RFC3: variants seen among roughly 807,000 people sequenced by gnomAD.
RFC3 encodes replication factor C subunit 3, also known as A1 38 kDa subunit.
RFC3 carries 41 observed loss-of-function variants against 45.1 expected under a neutral mutation model. The ratio of observed to expected loss-of-function variants is 0.91; its 90% CI spans 0.71 to 1.18. The LOEUF (loss-of-function observed/expected upper bound fraction) is 1.18. RFC3 is among the 50% of genes most tolerant of loss of function. The pLI is 0.00. For synonymous variants in RFC3, 149 were observed against 144.0 expected (o/e 1.03, Z -0.25); for missense variants, 423 against 428.1 (o/e 0.99, Z 0.10).
At chr13:33,840,121 T>G (rs2082186965), downstream of RFC3, among the ~76,000 whole-genome samples, 1 of 152,234 alleles carries the variant, frequency 6.6e-6, no homozygotes, top group African/African-American at 2.4e-5. Flanking sequence ...TTTACACTAC[T>G]TTGGGTTTGT....
rs3135607 is a variant in RFC3 at position 33,831,723 on chromosome 13, G to GCATC, written c.809+370_809+373dup. 3.6e-3 allele frequency among the ~76,000 whole-genome samples: 552 copies of GCATC among 152,292 alleles called. 4 individuals are homozygous for GCATC. Among genetic ancestry groups the GCATC allele is most frequent in the African/African-American group, 0.012 (518 of 41,570 alleles). On this transcript the variant is annotated intron_variant, in intron 7 of 8. Coordinates refer to ENST00000380071, the MANE Select transcript of RFC3 (RefSeq NM_002915.4). Reference sequence around the variant, plus strand: ...AATGTAAAACTTTGTAATCAATGATGCATCATGTGCTAGAAAGACACCAGA... The same window carrying GCATC: ...AATGTAAAACTTTGTAATCAATGATGCATCCATCATGTGCTAGAAAGACACCAGA...
intron 8 of RFC3, among the ~76,000 whole-genome samples, chr13:33,896,853 G>GA (rs1268452692): frequency 6.7e-6 from 1 of 148,702 alleles, no homozygotes; most frequent in South Asian, 2.2e-4. Flanking sequence ...AGTGCTGAAT[G>GA]AAAAAAACCT....
At chr13:33,945,496 C>T (rs1264369528) in intron 8 of RFC3, among the ~76,000 whole-genome samples, 3 of 152,190 alleles carry the variant, frequency 2.0e-5, no homozygotes, top group African/African-American at 4.8e-5. Flanking sequence ...CCCACAGCTC[C>T]AGGAAACTTC....
exon 9 of RFC3, chr13:33,966,464 A>G (rs1004186869): frequency 3.2e-6 from 1 of 317,426 alleles, no homozygotes; most frequent in East Asian, 5.3e-5. Context: ...CCCTACATCT[A>G]ACTCATCTGC....
chr13:33,889,683 A>G (rs2082551518), intron 8 of RFC3, among the ~76,000 whole-genome samples: 1 of 152,130 alleles, frequency 6.6e-6, no homozygotes, highest in African/African-American at 2.4e-5. Flanking sequence ...TAACTTTGCA[A>G]CCATTGACCA....
chr13:33,971,057 AT>A (rs1566046950), downstream of RFC3, among the ~76,000 whole-genome samples: 1 of 152,174 alleles, frequency 6.6e-6, no homozygotes, highest in Non-Finnish European at 1.5e-5. Context: ...ATTAAAAAAA[AT>A]ATAGAATAGA....
At chr13:33,887,404 CA>C (rs1385648201) in intron 8 of RFC3, among the ~76,000 whole-genome samples, 1 of 151,948 alleles carries the variant, frequency 6.6e-6, no homozygotes, top group Non-Finnish European at 1.5e-5. Context: ...AGCATTTTTT[CA>C]TGTGTTTTTT....
chr13:33,967,597 C>T (rs1215757712), downstream of RFC3, among the ~76,000 whole-genome samples: 8 of 147,970 alleles, frequency 5.4e-5, no homozygotes, highest in Admixed American at 5.6e-4. Flanking sequence ...AAGCGATTCT[C>T]CTGCCTCAGC....
chr13:33,948,237 C>T (rs1292615800), intron 8 of RFC3, among the ~76,000 whole-genome samples: 1 of 152,144 alleles, frequency 6.6e-6, no homozygotes, highest in African/African-American at 2.4e-5. Flanking sequence ...GCTAAAGGGG[C>T]CAAGGTACAG....
At chr13:33,929,609 A>G (rs2082839072) in intron 8 of RFC3, among the ~76,000 whole-genome samples, 1 of 152,078 alleles carries the variant, frequency 6.6e-6, no homozygotes. Context: ...ATTACAAAAT[A>G]TTTTGAAATA....
chr13:33,821,867 C>T (rs1365586952), intron 2 of RFC3, among the ~76,000 whole-genome samples: 1 of 152,198 alleles, frequency 6.6e-6, no homozygotes, highest in Non-Finnish European at 1.5e-5. Flanking sequence ...TCTTCTACAA[C>T]TTGTAGTTTG....
At chr13:33,892,444 G>GTT (rs1466297679) in intron 8 of RFC3, among the ~76,000 whole-genome samples, 2 of 152,152 alleles carry the variant, frequency 1.3e-5, no homozygotes, top group Non-Finnish European at 2.9e-5. Context: ...AAATAAAACT[G>GTT]TAAGCATTCC....
At chr13:33,899,398 T>TGATA (rs1191350265) in intron 8 of RFC3, among the ~76,000 whole-genome samples, 1 of 151,754 alleles carries the variant, frequency 6.6e-6, no homozygotes, top group Non-Finnish European at 1.5e-5. Flanking sequence ...TCAGTAAATG[T>TGATA]GATACATCAT....
At chr13:33,872,792 A>AACCC (rs1555235482) in intron 8 of RFC3, among the ~76,000 whole-genome samples, 3 of 97,448 alleles carry the variant, frequency 3.1e-5, no homozygotes, top group African/African-American at 4.1e-5. Context: ...AAGAAACCAA[A>AACCC]CCCCCCCCCC....
intron 8 of RFC3, among the ~76,000 whole-genome samples, chr13:33,935,060 C>G (rs892848533): frequency 2.6e-5 from 4 of 152,094 alleles, no homozygotes; most frequent in Admixed American, 1.3e-4. Context: ...TACCAGATAA[C>G]TGGATCATGT....
At position 33,827,118 on chromosome 13, in the gene RFC3, T is replaced by A. The variant is rs7982558; in HGVS notation, c.391+1232T>A. 7.0e-3 allele frequency among the ~76,000 whole-genome samples: 1,059 copies of A among 152,284 alleles called. 10 individuals are homozygous for A. The highest frequency in any genetic ancestry group is 0.025 in the African/African-American group (1,021 of 41,542). On this transcript the variant is annotated intron_variant, in intron 4 of 8. Transcript: ENST00000380071. ...TCATTAATATCATAGGTTATATTAC[T>A]GGATTTTCTAATATTAAAACTTTTG...
chr13:33,902,364 A>G (rs959590406), intron 8 of RFC3, among the ~76,000 whole-genome samples: 1 of 152,064 alleles, frequency 6.6e-6, no homozygotes, highest in Admixed American at 6.6e-5. Flanking sequence ...TTTGCAGGTG[A>G]CATACTATGG....
At chr13:33,882,629 C>A (rs963198808) in intron 8 of RFC3, among the ~76,000 whole-genome samples, 1 of 152,236 alleles carries the variant, frequency 6.6e-6, no homozygotes, top group African/African-American at 2.4e-5. Flanking sequence ...GCTCCTAGAT[C>A]TCGAACTTCC....
intron 8 of RFC3, among the ~76,000 whole-genome samples, chr13:33,953,817 A>G (rs529070678): frequency 6.6e-6 from 1 of 152,312 alleles, no homozygotes; most frequent in South Asian, 2.1e-4. Context: ...TTTTGATGCG[A>G]CATTTTAGAA....
Sources: allele counts gnomAD v4.1 joint callset (sites outside exome capture counted in the v4.1 genomes callset), GRCh38; gene constraint gnomAD v4.1.1; transcripts MANE v1.5; gene names NCBI Gene and HGNC (gene_info 2026-07-23, HGNC 2026-07-21).